The following RNLS variants were observed in gnomAD, a reference collection of about 807,000 sequenced individuals.
RNLS encodes the protein renalase.
Under a neutral mutation model 39.8 loss-of-function variants are expected in RNLS, and 39 were observed. The ratio of observed to expected loss-of-function variants is 0.98; its 90% CI spans 0.76 to 1.28. The LOEUF (loss-of-function observed/expected upper bound fraction) is 1.28. Ranked by LOEUF, RNLS falls within the 50% of genes most tolerant of loss-of-function variation. RNLS has a pLI of 0.00. For synonymous variants in RNLS, 147 were observed against 150.7 expected, an observed-to-expected ratio of 0.98 and a Z score of 0.18; for missense variants, 410 against 413.3, an observed-to-expected ratio of 0.99 and a Z score of 0.07.
In RNLS at chr10:88,558,461, A is replaced by AT. The variant is rs200737573; in HGVS notation, c.526+14441dup. ...CAGCTATCCTCAACTTTATGTTGTTATTTTTTTTCTGACACAACTAATTAG... is the reference window on the plus strand; with the variant it reads ...CAGCTATCCTCAACTTTATGTTGTTATTTTTTTTTCTGACACAACTAATTAG... On this transcript the variant is annotated intron_variant, in intron 4 of 6. Coordinates refer to ENST00000331772, the MANE Select transcript of RNLS (RefSeq NM_001031709.3). Among the ~76,000 whole-genome samples the AT allele has an allele frequency of 3.9e-3, 595 of 152,156 alleles. 1 individual carries two copies. Among genetic ancestry groups the AT allele is most frequent in the Non-Finnish European group, 6.3e-3 (427 of 67,974 alleles).
chr10:88,510,425 C>T (rs1031943002), intron 4 of RNLS, among the ~76,000 whole-genome samples: 1 of 152,054 alleles, frequency 6.6e-6, no homozygotes, highest in Non-Finnish European at 1.5e-5. Flanking sequence ...TGACTCACAT[C>T]ACAAGCAGCT....
At chr10:88,329,693 ATCTC>A (rs1399734179) in intron 5 of RNLS, among the ~76,000 whole-genome samples, 1 of 150,872 alleles carries the variant, frequency 6.6e-6, no homozygotes, top group Non-Finnish European at 1.5e-5. Context: ...AGTATTTTCT[ATCTC>A]TATCTCTCCA....
chr10:88,398,539 C>G (rs72820023), intron 4 of RNLS, among the ~76,000 whole-genome samples: 88 of 152,032 alleles, frequency 5.8e-4, no homozygotes, highest in Non-Finnish European at 1.0e-3. Context: ...GTTCCTCCAG[C>G]ATCATCAGGG....
the RNLS span, among the ~76,000 whole-genome samples, chr10:88,206,969 T>C: frequency 6.6e-6 from 1 of 152,156 alleles, no homozygotes; most frequent in African/African-American, 2.4e-5. Flanking sequence ...TAAAAGGTTA[T>C]AAAGGTGGCC....
chr10:88,288,392 G>A (rs4934391), intron 6 of RNLS, among the ~76,000 whole-genome samples: 84,908 of 151,932 alleles, frequency 0.56, 24,661 homozygotes, highest in Non-Finnish European at 0.63. Flanking sequence ...ACTCGATGAA[G>A]TAAAACAAAA....
the RNLS span, among the ~76,000 whole-genome samples, chr10:88,197,096 A>G: frequency 6.6e-6 from 1 of 152,190 alleles, no homozygotes; most frequent in African/African-American, 2.4e-5. Flanking sequence ...TTTGGGATCC[A>G]ATCTTGGAAA....
rs760219950 is a variant in RNLS, at chr10:88,314,635, G to A, written c.707C>T (p.Ser236Leu). The A allele has an allele frequency of 3.1e-6, 5 of 1,612,974 alleles. No homozygotes were observed. The highest frequency in any genetic ancestry group is 2.2e-5 in the East Asian group (1 of 44,854). Residue 236 changes from serine (S) to leucine (L), a missense_variant, in exon 6 of 7, where the codon TCA (serine) becomes TTA (leucine). Transcript: ENST00000331772. ...IDNKKRNIES[S>L]EIGPSLVIHT... ...AATCACGAGGGAAGGCCCAATTTCTGATGACTCTGTGGCATAAGAGGATCA... is the reference window on the plus strand; with the variant it reads ...AATCACGAGGGAAGGCCCAATTTCTAATGACTCTGTGGCATAAGAGGATCA...
chr10:88,497,943 G>GA (rs57767791), intron 4 of RNLS, among the ~76,000 whole-genome samples: 9 of 150,158 alleles, frequency 6.0e-5, no homozygotes, highest in African/African-American at 1.2e-4. Flanking sequence ...TTATTGAAGA[G>GA]AAAAAAAAAA....
At chr10:88,211,809 T>G in the RNLS span, among the ~76,000 whole-genome samples, 1 of 152,158 alleles carries the variant, frequency 6.6e-6, no homozygotes, top group Non-Finnish European at 1.5e-5. Context: ...CTGTAGGATT[T>G]TAAGCAGGAG....
intron 4 of RNLS, among the ~76,000 whole-genome samples, chr10:88,571,153 A>AT (rs60884134): frequency 7.4e-4 from 110 of 149,360 alleles, no homozygotes; most frequent in African/African-American, 2.1e-3. Context: ...TTGCTACTTT[A>AT]TTTTTTTTTG....
chr10:88,245,778 C>T, the RNLS span, among the ~76,000 whole-genome samples: 2 of 152,180 alleles, frequency 1.3e-5, no homozygotes, highest in African/African-American at 4.8e-5. Flanking sequence ...GCCAGAAAAG[C>T]ATTAAAATCT....
chr10:88,276,008 C>T (rs1347153517), intron 6 of RNLS, among the ~76,000 whole-genome samples: 1 of 152,094 alleles, frequency 6.6e-6, no homozygotes, highest in Non-Finnish European at 1.5e-5. Flanking sequence ...GAGCCATGAT[C>T]AGGCCACTAT....
intron 4 of RNLS, among the ~76,000 whole-genome samples, chr10:88,412,333 G>A (rs1261586984): frequency 4.6e-5 from 7 of 152,012 alleles, no homozygotes; most frequent in Admixed American, 4.6e-4. Context: ...AGTGTAAGCG[G>A]GGGTGTTGAA....
At chr10:88,314,891 A>G (rs941652700) in intron 5 of RNLS, among the ~76,000 whole-genome samples, 1 of 152,208 alleles carries the variant, frequency 6.6e-6, no homozygotes, top group African/African-American at 2.4e-5. Flanking sequence ...ACTGGAAGAA[A>G]GGGTAGAAGT....
At chr10:88,389,526 C>T (rs529216842) in intron 4 of RNLS, among the ~76,000 whole-genome samples, 3 of 151,410 alleles carry the variant, frequency 2.0e-5, no homozygotes, top group Non-Finnish European at 4.4e-5. Context: ...TAATTACATT[C>T]ATTTGTTTCA....
chr10:88,320,556 TC>T (rs1846110190), intron 5 of RNLS, among the ~76,000 whole-genome samples: 1 of 146,672 alleles, frequency 6.8e-6, no homozygotes, highest in South Asian at 2.3e-4. Flanking sequence ...GAGACCAATG[TC>T]ACACATTATG....
chr10:88,194,395 C>T, the RNLS span, among the ~76,000 whole-genome samples: 6 of 152,196 alleles, frequency 3.9e-5, no homozygotes, highest in African/African-American at 1.4e-4. Context: ...TAGAGGTCTC[C>T]CATATTTTCC....
chr10:88,523,547 A>G (rs1846889601), intron 4 of RNLS, among the ~76,000 whole-genome samples: 1 of 152,134 alleles, frequency 6.6e-6, no homozygotes, highest in Admixed American at 6.6e-5. Flanking sequence ...AAGCTCAGAA[A>G]CATTTGGCTA....
chr10:88,365,516 A>AAC (rs61386966), intron 4 of RNLS, among the ~76,000 whole-genome samples: 4,209 of 145,834 alleles, frequency 0.029, 85 homozygotes, highest in South Asian at 0.066. Flanking sequence ...AGGATTATAT[A>AAC]ACACACACAC....
Sources: gnomAD v4.1 joint callset for allele counts (sites outside exome capture counted in the v4.1 genomes callset) on GRCh38, gnomAD v4.1.1 for gene constraint, MANE v1.5 for transcripts, NCBI Gene and HGNC (gene_info 2026-07-23, HGNC 2026-07-21) for gene names.